The following ANKFN1 variants were observed in gnomAD, a reference collection of about 807,000 sequenced individuals.
ANKFN1 encodes ankyrin repeat and fibronectin type-III domain-containing protein 1.
In ANKFN1, 74 loss-of-function variants were observed where a neutral mutation model predicts 108.7. That is an observed-to-expected ratio of 0.68 (90% CI 0.56 to 0.83). The LOEUF is 0.83. Among genes scored for constraint, ANKFN1 ranks in the 40% least tolerant of loss-of-function variants. The pLI is 0.00. For missense variants in ANKFN1, 1,505 were observed against 1,382.3 expected, an observed-to-expected ratio of 1.09 and a Z score of -1.41; for synonymous variants, 547 against 516.2, an observed-to-expected ratio of 1.06 and a Z score of -0.81.
intron 3 of ANKFN1, among the ~76,000 whole-genome samples, chr17:56,237,814 C>T (rs142524728): frequency 7.0e-4 from 106 of 152,016 alleles, no homozygotes; most frequent in Non-Finnish European, 1.1e-3. Context: ...TTGTCTTCTG[C>T]TAGCTTTGGT....
chr17:56,467,810 GA>G (rs1256862478), intron 15 of ANKFN1, among the ~76,000 whole-genome samples: 1,598 of 36,538 alleles, frequency 0.044, 55 homozygotes, highest in African/African-American at 0.16. Context: ...AAGAAAGAAA[GA>G]AAGAAAGAAA....
At chr17:56,431,153 A>T (rs1201625297) in intron 8 of ANKFN1, among the ~76,000 whole-genome samples, 2 of 152,218 alleles carry the variant, frequency 1.3e-5, no homozygotes, top group East Asian at 3.8e-4. Flanking sequence ...CAGACCTTGT[A>T]GGCCAGGGGA....
intron 15 of ANKFN1, among the ~76,000 whole-genome samples, chr17:56,469,791 T>G (rs535904722): frequency 6.6e-6 from 1 of 151,734 alleles, no homozygotes; most frequent in East Asian, 1.9e-4. Context: ...TTCTTTTTAT[T>G]TTTATTTTAC....
chr17:56,357,031 A>G (rs1282501512), intron 6 of ANKFN1, among the ~76,000 whole-genome samples: 2 of 152,096 alleles, frequency 1.3e-5, no homozygotes, highest in African/African-American at 2.4e-5. Context: ...ACCAAAAGCA[A>G]ATTTGTTCAA....
At chr17:56,082,536 T>A (rs1334844555) in intron 4 of ANKFN1, among the ~76,000 whole-genome samples, 3 of 152,128 alleles carry the variant, frequency 2.0e-5, no homozygotes, top group Non-Finnish European at 4.4e-5. Flanking sequence ...AGAGTAAGAT[T>A]TGCTGATGGA....
intron 3 of ANKFN1, among the ~76,000 whole-genome samples, chr17:56,259,946 A>ACACT (rs1555618328): frequency 1.6e-4 from 24 of 148,802 alleles, no homozygotes; most frequent in African/African-American, 5.5e-4. Flanking sequence ...ACACACACAC[A>ACACT]CTCTTTTCAA....
At chr17:56,072,447 T>C (rs1338576118) in intron 4 of ANKFN1, among the ~76,000 whole-genome samples, 1 of 152,198 alleles carries the variant, frequency 6.6e-6, no homozygotes, top group African/African-American at 2.4e-5. Context: ...GCTCAGTTAA[T>C]GGTTCCTATT....
intron 19 of ANKFN1, among the ~76,000 whole-genome samples, chr17:56,495,156 C>T (rs1231006689): frequency 1.3e-5 from 2 of 152,266 alleles, no homozygotes; most frequent in Non-Finnish European, 2.9e-5. Flanking sequence ...AAAGCCAATT[C>T]TCAAAGGGTT....
intron 4 of ANKFN1, among the ~76,000 whole-genome samples, chr17:56,047,513 T>G (rs775200307): frequency 5.9e-5 from 9 of 152,070 alleles, no homozygotes; most frequent in Non-Finnish European, 1.0e-4. Flanking sequence ...GGTGCACAAC[T>G]GAATGCTGTT....
intron 3 of ANKFN1, among the ~76,000 whole-genome samples, chr17:56,302,566 A>G (rs1001810898): frequency 5.9e-5 from 9 of 152,032 alleles, no homozygotes; most frequent in Non-Finnish European, 1.0e-4. Context: ...AAGAAAGAAA[A>G]AAGAAAAACG....
chr17:56,252,956 C>T (rs992297314), intron 3 of ANKFN1, among the ~76,000 whole-genome samples: 4 of 146,984 alleles, frequency 2.7e-5, no homozygotes, highest in Non-Finnish European at 6.0e-5. Flanking sequence ...TGGCTACTCA[C>T]GAGGGTGAGG....
chr17:56,319,313 T>G (rs532317410), intron 3 of ANKFN1, among the ~76,000 whole-genome samples: 1 of 152,314 alleles, frequency 6.6e-6, no homozygotes, highest in South Asian at 2.1e-4. Flanking sequence ...GTTCTATTTT[T>G]TAATCTAGAC....
At chr17:56,463,602 G>A (rs574969733) in intron 14 of ANKFN1, among the ~76,000 whole-genome samples, 1 of 152,170 alleles carries the variant, frequency 6.6e-6, no homozygotes, top group Admixed American at 6.5e-5. Flanking sequence ...GCCCAAAGAG[G>A]GAGAAGTGTA....
chr17:56,400,196 C>A (rs1183573778), intron 8 of ANKFN1, among the ~76,000 whole-genome samples: 3 of 151,998 alleles, frequency 2.0e-5, no homozygotes, highest in Non-Finnish European at 4.4e-5. Context: ...GTTTACATTC[C>A]CATCAGCAGT....
At chr17:56,210,274 C>T (rs144978899) in intron 1 of ANKFN1, among the ~76,000 whole-genome samples, 149 of 152,214 alleles carry the variant, frequency 9.8e-4, no homozygotes, top group Non-Finnish European at 1.6e-3. Context: ...ATTGCTGGAT[C>T]GGGATGGTTT....
chr17:56,501,211 G>A lies in ANKFN1; in HGVS notation c.2644+2113G>A, dbSNP rs532420234. Among the ~76,000 whole-genome samples the A allele has an allele frequency of 2.6e-4, 39 of 152,314 alleles. No homozygotes were observed. The South Asian group carries it at 6.8e-3, about 27-fold the overall frequency. ...GGCGGATCGTGAGAGACAGGGTAGAGAGCAAGACAGAAGCCAGAAGCCAGA... is the reference window on the plus strand; with the variant it reads ...GGCGGATCGTGAGAGACAGGGTAGAAAGCAAGACAGAAGCCAGAAGCCAGA... On this transcript the variant is annotated intron_variant, in intron 20 of 20. Coordinates refer to ENST00000682825, the MANE Select transcript of ANKFN1 (RefSeq NM_001370326.1).
intron 19 of ANKFN1, among the ~76,000 whole-genome samples, chr17:56,495,902 T>C (rs1401245670): frequency 6.6e-6 from 1 of 152,116 alleles, no homozygotes; most frequent in Admixed American, 6.6e-5. Context: ...AGGAATATAA[T>C]TTACGAGATG....
chr17:56,411,153 A>G (rs535196564), intron 8 of ANKFN1, among the ~76,000 whole-genome samples: 1 of 152,048 alleles, frequency 6.6e-6, no homozygotes, highest in South Asian at 2.1e-4. Context: ...CTTTCCACCT[A>G]TGTTTTGTCT....
intron 8 of ANKFN1, among the ~76,000 whole-genome samples, chr17:56,388,402 G>T (rs1346414969): frequency 6.6e-6 from 1 of 151,702 alleles, no homozygotes; most frequent in Non-Finnish European, 1.5e-5. Context: ...AAAGTGCTAG[G>T]ATTACAGGCA....
Sources: gnomAD v4.1 joint callset for allele counts (sites outside exome capture counted in the v4.1 genomes callset) on GRCh38, gnomAD v4.1.1 for gene constraint, MANE v1.5 for transcripts, NCBI Gene and HGNC (gene_info 2026-07-23, HGNC 2026-07-21) for gene names.